The following MEF2D variants were observed in gnomAD, a reference collection of about 807,000 sequenced individuals.
The protein encoded by MEF2D is myocyte enhancer factor 2D, also known as myocyte-specific enhancer factor 2D.
MEF2D carries 10 observed loss-of-function variants against 59.3 expected under a neutral mutation model. That is an observed-to-expected ratio of 0.17 (90% CI 0.10 to 0.29). MEF2D has a LOEUF of 0.29. Among genes scored for constraint, MEF2D ranks in the 10% least tolerant of loss-of-function variants. MEF2D has a pLI of 1.00. For synonymous variants in MEF2D, 305 were observed against 295.0 expected, an observed-to-expected ratio of 1.03 and a Z score of -0.35; for missense variants, 508 against 699.4, an observed-to-expected ratio of 0.73 and a Z score of 3.09.
intron 1 of MEF2D, 143 bp from the exon 2 acceptor site, chr1:156,483,573 G>A (rs954364624): frequency 1.1e-5 from 6 of 552,512 alleles, no homozygotes; most frequent in East Asian, 9.2e-5. Context: ...AATGCTGTCT[G>A]CCTGAGGCAA....
Position 156,479,299 on chromosome 1 carries a change from T to A in MEF2D, c.655A>T (p.Ser219Cys). 1 of 1,612,576 alleles carries A rather than the reference T, an allele frequency of 6.2e-7. No individual in the cohort carries two copies. Among genetic ancestry groups the A allele is most frequent in the Non-Finnish European group, 8.5e-7 (1 of 1,179,362 alleles). Reference sequence around the variant, plus strand: ...GGATGACTGCACTCACCAACAGGGCTGGGGCAGGCTCCGTTAGCACTGTTC... The same window carrying A: ...GGATGACTGCACTCACCAACAGGGCAGGGGCAGGCTCCGTTAGCACTGTTC... ...DLNSANGACP[S>C]PVGNGYVSAR... Residue 219 changes from serine to cysteine, a missense_variant, in exon 6 of 12, where the codon AGC (serine) becomes TGC (cysteine). By Grantham distance (112) the Ser-to-Cys change is moderately radical (BLOSUM62 -1). Transcript: ENST00000348159.
intron 9 of MEF2D, among the ~76,000 whole-genome samples, chr1:156,472,487 C>A (rs1329306856): frequency 1.3e-5 from 2 of 152,254 alleles, no homozygotes; most frequent in Non-Finnish European, 2.9e-5. Flanking sequence ...GCGGTCCCTC[C>A]AGCTCTCTTA....
At chr1:156,467,847 G>T in intron 11 of MEF2D, 146 bp downstream of exon 11, 2 of 1,130,288 alleles carry the variant, frequency 1.8e-6, no homozygotes, top group Non-Finnish European at 2.5e-6. Context: ...GGGTGAAGGG[G>T]TGTTGGTGCT....
intron 1 of MEF2D, among the ~76,000 whole-genome samples, chr1:156,486,858 G>A (rs191432963): frequency 2.6e-5 from 4 of 152,320 alleles, no homozygotes; most frequent in Admixed American, 2.6e-4. Context: ...TTTCATTGTT[G>A]TGGTGCTGTG....
At position 156,464,267 on chromosome 1, in the gene MEF2D, T is replaced by C. The variant is rs1424917585; in HGVS notation, c.*3378A>G. ...AGTCAGTTAAAAATATATAGAGATA[T>C]AGATATTTCTAGATACACTTTTACA... is the stretch of plus-strand genomic sequence containing the variant. On this transcript the variant is annotated 3_prime_UTR_variant, in exon 12 of 12. Transcript: ENST00000348159. 2.0e-5 allele frequency: 3 copies of C among 152,176 alleles called. No individual in the cohort carries two copies. Among genetic ancestry groups the C allele is most frequent in the East Asian group, 1.9e-4 (1 of 5,152 alleles). The allele number at this position is 152,176 out of a possible 1,614,324, so 9.4% of individuals were successfully genotyped here.
intron 6 of MEF2D, among the ~76,000 whole-genome samples, chr1:156,477,601 C>T (rs1671702269): frequency 6.6e-6 from 1 of 152,172 alleles, no homozygotes; most frequent in Non-Finnish European, 1.5e-5. Flanking sequence ...ATTTTTAGGT[C>T]CCACAGTCTA....
In MEF2D at chr1:156,479,502, A is replaced by G; in HGVS notation, c.607+84T>C. ...GCGGAATGCTGTGGTGGGTGAAGAG[A>G]AATACTTGCTGTTGAAAATGGAATC... On this transcript the variant is annotated intron_variant, in intron 5 of 11. Coordinates refer to ENST00000348159, the MANE Select transcript of MEF2D (RefSeq NM_005920.4). 3 of 1,515,886 alleles carry G rather than the reference A, an allele frequency of 2.0e-6. No homozygotes were observed. The South Asian group carries it at 3.6e-5, about 18-fold the overall frequency. The allele number at this position is 1,515,886 out of a possible 1,614,324, so 93.9% of individuals were successfully genotyped here.
intron 1 of MEF2D, among the ~76,000 whole-genome samples, chr1:156,493,205 C>T (rs1672917905): frequency 6.6e-6 from 1 of 152,034 alleles, no homozygotes; most frequent in Non-Finnish European, 1.5e-5. Context: ...AGGCCTGGGC[C>T]CTCAGACTGG....
rs1670668898 is a variant in MEF2D at position 156,463,838 on chromosome 1, A to G, written c.*3807T>C. The G allele has an allele frequency of 6.6e-6, 1 of 152,662 alleles. No individual in the cohort carries two copies. Among genetic ancestry groups the G allele is most frequent in the Admixed American group, 6.5e-5 (1 of 15,284 alleles). 9.5% of individuals were successfully genotyped at this position (152,662 alleles called of 1,614,324 possible). A position where few individuals can be genotyped will look rare whatever the true frequency, so the allele number is the denominator to read the frequency against. ...AATCTCGAGGACTTTGTCTTTTCTT[A>G]TTGTGTAGAATACTAAGAAAGCATC... On this transcript the variant is annotated 3_prime_UTR_variant, in exon 12 of 12. Transcript: ENST00000348159.
At chr1:156,474,591 G>T (rs1167349410) in intron 9 of MEF2D, among the ~76,000 whole-genome samples, 1 of 152,098 alleles carries the variant, frequency 6.6e-6, no homozygotes, top group African/African-American at 2.4e-5. Context: ...CAGGAGGACT[G>T]CTTGAGACCA....
intron 1 of MEF2D, among the ~76,000 whole-genome samples, chr1:156,492,905 G>C (rs374899255): frequency 6.6e-6 from 1 of 152,238 alleles, no homozygotes; most frequent in African/African-American, 2.4e-5. Flanking sequence ...CTAATGGTTA[G>C]ATCAGGGGAG....
intron 11 of MEF2D, 134 bp from the exon 12 acceptor site, chr1:156,467,790 G>A (rs1670951252): frequency 1.8e-6 from 2 of 1,084,340 alleles, no homozygotes; most frequent in Non-Finnish European, 1.3e-6. Context: ...AAGTCATCGA[G>A]CAGAAGGACT....
At chr1:156,480,804 G>T (rs769978870) in intron 4 of MEF2D, 30 bp downstream of exon 4, 18 of 1,589,562 alleles carry the variant, frequency 1.1e-5, no homozygotes, top group South Asian at 3.4e-5. Flanking sequence ...GGAAGGGGGG[G>T]CCAACAGAGA....
Position 156,468,818 on chromosome 1 carries a change from T to TTGCTGAGGTGGCTGTTGCGGC in MEF2D, c.1188_1208dup (p.Pro397_Gln403dup), listed in dbSNP as rs1203432560. 6.2e-7 allele frequency: 1 copy of TTGCTGAGGTGGCTGTTGCGGC among 1,614,146 alleles called. No individual in the cohort carries two copies. Among genetic ancestry groups the TTGCTGAGGTGGCTGTTGCGGC allele is most frequent in the Admixed American group, 1.7e-5 (1 of 60,018 alleles). On this transcript the variant is annotated inframe_insertion, in exon 10 of 12. Transcript: ENST00000348159. The surrounding 1 kb of genome is among the most constrained non-coding windows in gnomAD (Gnocchi z 4.3). ...GAGATACAGGGACCAGGTGGGACTG[T>TTGCTGAGGTGGCTGTTGCGGC]TGCTGAGGTGGCTGTTGCGGCTGCT... is the stretch of plus-strand genomic sequence containing the variant.
intron 8 of MEF2D, among the ~76,000 whole-genome samples, chr1:156,475,723 T>C (rs1219406692): frequency 2.0e-5 from 3 of 152,184 alleles, no homozygotes; most frequent in African/African-American, 7.2e-5. Flanking sequence ...CTGAGTCACT[T>C]GTTTATTCCA....
chr1:156,489,405 G>A (rs1416389087), intron 1 of MEF2D, among the ~76,000 whole-genome samples: 3 of 152,148 alleles, frequency 2.0e-5, no homozygotes, highest in Non-Finnish European at 4.4e-5. Flanking sequence ...AGAAGAGGGT[G>A]GCAGAGGGGG....
intron 9 of MEF2D, among the ~76,000 whole-genome samples, chr1:156,474,477 C>T (rs112684785): frequency 0.029 from 4,346 of 152,214 alleles, 202 homozygotes; most frequent in African/African-American, 0.099. Context: ...AAACCAATGC[C>T]TAGTTAAATT....
rs1463331363 is a variant in MEF2D at position 156,479,745 on chromosome 1, T to C, written c.448A>G (p.Asn150Asp). 1.9e-6 allele frequency: 3 copies of C among 1,551,568 alleles called. No homozygotes were observed. The highest frequency in any genetic ancestry group is 1.4e-5 in the African/African-American group (1 of 73,028). The change falls in exon 5 of 12, where the codon AAT becomes GAT. Residue 150 changes from asparagine (N) to aspartate (D), a missense_variant. Around this residue, in one of 2 missense-constraint regions of MEF2D, gnomAD observed 481 missense variants for 584.7 expected, o/e 0.82. Coordinates refer to ENST00000348159, the MANE Select transcript of MEF2D (RefSeq NM_005920.4). ...TTGCTGAACTGCAGTGAGCTCTGAT[T>C]GGACACGGGCACCGTGACAGGCATG... ...FAMPVTVPVS[N>D]QSSLQFSNPS...
Position 156,489,805 on chromosome 1 carries a change from C to T in MEF2D, c.-138-6375G>A, listed in dbSNP as rs74116855. On this transcript the variant is annotated intron_variant, in intron 1 of 11. Coordinates refer to ENST00000348159, the MANE Select transcript of MEF2D (RefSeq NM_005920.4). Reference sequence around the variant, plus strand: ...AAGGAGCATCCCAGAGCAGGCAGGCCGGCCCTGAGAGGCAGCAGAGGTGAG... The same window carrying T: ...AAGGAGCATCCCAGAGCAGGCAGGCTGGCCCTGAGAGGCAGCAGAGGTGAG... Among the ~76,000 whole-genome samples, 1,444 of 152,218 alleles carry T rather than the reference C, an allele frequency of 9.5e-3. 15 individuals carry two copies. The highest frequency in any genetic ancestry group is 0.029 in the South Asian group (140 of 4,828).
Sources: allele counts gnomAD v4.1 joint callset (sites outside exome capture counted in the v4.1 genomes callset), GRCh38; gene constraint gnomAD v4.1.1; regional missense constraint gnomAD v4.1.1; non-coding constraint Gnocchi (gnomAD v3.1); transcripts MANE v1.5; gene names NCBI Gene and HGNC (gene_info 2026-07-23, HGNC 2026-07-21).